The following VWA8 variants were observed in gnomAD, a reference collection of about 807,000 sequenced individuals.
VWA8 encodes von Willebrand factor A domain-containing protein 8.
Under a neutral mutation model 241.5 loss-of-function variants are expected in VWA8, and 221 were observed. The ratio of observed to expected loss-of-function variants is 0.91; its 90% confidence interval spans 0.82 to 1.02. The LOEUF is 1.02. Among genes scored for constraint, VWA8 ranks in the 50% least tolerant of loss-of-function variants. The probability of loss-of-function intolerance (pLI) is 0.00; values close to 1 mark genes in which losing one functional copy is unlikely to be tolerated. For missense variants in VWA8, 2,322 were observed against 2,328.7 expected (o/e 1.00, Z 0.06); for synonymous variants, 852 against 827.1 (o/e 1.03, Z -0.52).
chr13:41,960,898 G>A lies in VWA8; in HGVS notation c.118C>T (p.Arg40Trp). ...GCGTGCAACAGTCTGACCTCCGGCC[G>A]CTGCCTGTCGCCACCCGGCCTGCGC... ...VQRRPGGDRQ[R>W]PEVRLLHAGS... is the part of the protein sequence containing the mutation. Residue 40 changes from arginine (R) to tryptophan (W), a missense_variant, in exon 1 of 45, where the codon CGG (arginine) becomes TGG (tryptophan). Physicochemically the swap from Arg to Trp is moderately radical, Grantham distance 101 (BLOSUM62 -3). Transcript: ENST00000379310. 3 of 1,512,748 alleles carry A rather than the reference G, an allele frequency of 2.0e-6. No individual in the cohort carries two copies. The highest frequency in any genetic ancestry group is 2.7e-5 in the East Asian group (1 of 37,166). The allele number at this position is 1,512,748 out of a possible 1,614,324, so 93.7% of individuals were successfully genotyped here. A position where few individuals can be genotyped will look rare whatever the true frequency, so the allele number is the denominator to read the frequency against.
intron 41 of VWA8, among the ~76,000 whole-genome samples, chr13:41,589,763 CA>C: frequency 6.6e-6 from 1 of 152,318 alleles, no homozygotes. Context: ...ACTTCGGTCA[CA>C]AACCATTGCT....
rs180798887 is a variant in VWA8 at position 41,875,353 on chromosome 13, T to A, written c.1081-6876A>T. On this transcript the variant is annotated intron_variant, in intron 9 of 44. Transcript: ENST00000379310. ...CACCTCAGCTAGGGCACATTTTCCA[T>A]GCACTCCACATTTTTTGTCCCTTCT... Among the ~76,000 whole-genome samples, 110 of 152,200 alleles carry A rather than the reference T, an allele frequency of 7.2e-4. 1 individual carries two copies. The highest frequency in any genetic ancestry group is 3.4e-3 in the Middle Eastern group (1 of 292).
At chr13:41,684,232 G>T (rs1189545493) in intron 35 of VWA8, among the ~76,000 whole-genome samples, 1 of 151,820 alleles carries the variant, frequency 6.6e-6, no homozygotes, top group East Asian at 1.9e-4. Flanking sequence ...CATATAATCA[G>T]AACTTTTCAA....
intron 40 of VWA8, among the ~76,000 whole-genome samples, chr13:41,602,306 G>T (rs965657264): frequency 3.9e-5 from 6 of 152,116 alleles, no homozygotes; most frequent in African/African-American, 1.4e-4. Context: ...TTATGGAATT[G>T]TTGAGTTGGA....
At chr13:41,660,359 A>T (rs542455036) in intron 37 of VWA8, among the ~76,000 whole-genome samples, 67 of 152,152 alleles carry the variant, frequency 4.4e-4, no homozygotes, top group African/African-American at 1.6e-3. Context: ...CAAGTGATCC[A>T]CCTGCCTCAC....
intron 2 of VWA8, among the ~76,000 whole-genome samples, chr13:41,921,097 T>C (rs1392666122): frequency 1.1e-4 from 16 of 152,204 alleles, no homozygotes; most frequent in Admixed American, 1.0e-3. Flanking sequence ...CATGATCAAG[T>C]TGGTTTCATC....
At chr13:41,931,808 C>T (rs1877137736) in intron 2 of VWA8, among the ~76,000 whole-genome samples, 1 of 151,916 alleles carries the variant, frequency 6.6e-6, no homozygotes, top group Non-Finnish European at 1.5e-5. Context: ...TTTAGCATTC[C>T]ACTAAAGCTG....
chr13:41,656,145 T>C (rs1312769533), intron 37 of VWA8, among the ~76,000 whole-genome samples: 1 of 152,224 alleles, frequency 6.6e-6, no homozygotes, highest in Non-Finnish European at 1.5e-5. Context: ...TCCGATATTG[T>C]GTCAGATTTT....
chr13:41,881,866 C>T (rs1402521509), intron 9 of VWA8, among the ~76,000 whole-genome samples: 2 of 146,466 alleles, frequency 1.4e-5, no homozygotes, highest in East Asian at 2.2e-4. Context: ...CTGACCCCCC[C>T]ACCTCCCTCC....
rs148669933 is a variant in VWA8 at position 41,895,500 on chromosome 13, T to A, written c.484-3913A>T. Among the ~76,000 whole-genome samples the A allele has an allele frequency of 5.3e-5, 8 of 152,274 alleles. No homozygotes were observed. In the East Asian group the frequency reaches 1.5e-3, roughly 29 times the overall value. ...TCTCTACACACACAAAATACTCAGT[T>A]CAACATAGAGCATACATGGTCATAC... On this transcript the variant is annotated intron_variant, in intron 4 of 44. Coordinates refer to ENST00000379310, the MANE Select transcript of VWA8 (RefSeq NM_015058.2).
chr13:41,771,210 C>G (rs541435040), intron 20 of VWA8, among the ~76,000 whole-genome samples: 4 of 152,152 alleles, frequency 2.6e-5, no homozygotes, highest in Admixed American at 1.3e-4. Context: ...GCAACCTCCC[C>G]CTCCCAGGTT....
intron 24 of VWA8, among the ~76,000 whole-genome samples, chr13:41,722,448 G>A (rs2045400373): frequency 6.6e-6 from 1 of 152,038 alleles, no homozygotes; most frequent in South Asian, 2.1e-4. Context: ...ATCTTACTTT[G>A]ATTTAGGAAC....
At chr13:41,921,827 A>G (rs2138127178) in intron 2 of VWA8, among the ~76,000 whole-genome samples, 1 of 152,360 alleles carries the variant, frequency 6.6e-6, no homozygotes, top group East Asian at 1.9e-4. Context: ...CATGGATAGG[A>G]AGAATCAGTA....
intron 37 of VWA8, among the ~76,000 whole-genome samples, chr13:41,626,075 A>C (rs1326087579): frequency 1.2e-4 from 13 of 104,526 alleles, no homozygotes; most frequent in African/African-American, 1.9e-4. Context: ...CACTCTGGGG[A>C]CTGTTGTGGG....
chr13:41,905,608 A>G (rs1028446208), intron 4 of VWA8, among the ~76,000 whole-genome samples: 3 of 152,012 alleles, frequency 2.0e-5, no homozygotes, highest in Admixed American at 6.6e-5. Context: ...TCCCTCCCCA[A>G]CCTTTTAATC....
chr13:41,774,503 A>C (rs1261188184), intron 20 of VWA8, among the ~76,000 whole-genome samples: 2 of 152,224 alleles, frequency 1.3e-5, no homozygotes, highest in East Asian at 3.9e-4. Context: ...TATTTGTTGA[A>C]TGTCTACGGT....
rs559200191 is a variant in VWA8 at position 41,681,573 on chromosome 13, CA to C, written c.4327+3473del. 3.5e-4 allele frequency among the ~76,000 whole-genome samples: 53 copies of C among 152,216 alleles called. 1 individual carries two copies. The South Asian group carries it at 0.011, about 31-fold the overall frequency. Reference sequence around the variant, plus strand: ...AGAATAGAGATTACCTCTAGTTTGTCAAAAAGTGAAGGAGATGAGAACACAG... The same window carrying C: ...AGAATAGAGATTACCTCTAGTTTGTCAAAAGTGAAGGAGATGAGAACACAG... On this transcript the variant is annotated intron_variant, in intron 35 of 44. Transcript: ENST00000379310.
At chr13:41,882,470 T>G (rs1266781498) in intron 9 of VWA8, among the ~76,000 whole-genome samples, 15 of 151,876 alleles carry the variant, frequency 9.9e-5, no homozygotes, top group Non-Finnish European at 2.2e-4. Flanking sequence ...AGGTGGAGGT[T>G]GTAGCGAGCC....
intron 38 of VWA8, 137 bp from the exon 39 acceptor site, chr13:41,611,869 T>C: frequency 1.0e-6 from 1 of 976,260 alleles, no homozygotes; most frequent in Non-Finnish European, 1.5e-6. Context: ...AATTACCTTC[T>C]GGAAAAAGAT....
Sources: allele counts gnomAD v4.1 joint callset (sites outside exome capture counted in the v4.1 genomes callset), GRCh38; gene constraint gnomAD v4.1.1; transcripts MANE v1.5; gene names NCBI Gene and HGNC (gene_info 2026-07-23, HGNC 2026-07-21).